Variants in GABRP observed in about 807,000 individuals in gnomAD.
GABRP encodes gamma-aminobutyric acid receptor subunit pi.
A neutral mutation model predicts 47.8 loss-of-function variants in GABRP; 52 were observed. That is an observed-to-expected ratio of 1.09 (90% CI 0.87 to 1.37). The LOEUF is 1.37. GABRP is among the 40% of genes most tolerant of loss of function. GABRP has a pLI of 0.00. For missense variants in GABRP, 525 were observed against 542.8 expected (o/e 0.97, Z 0.33); for synonymous variants, 221 against 205.8 (o/e 1.07, Z -0.63).
intron 3 of GABRP, among the ~76,000 whole-genome samples, chr5:170,792,843 C>T (rs779836375): frequency 1.7e-4 from 26 of 152,132 alleles, no homozygotes; most frequent in Non-Finnish European, 2.6e-4. Context: ...TTTTGAAATC[C>T]GCCTGGCCTC....
At position 170,789,159 on chromosome 5, in the gene GABRP, C is replaced by A. The variant is rs749901338; in HGVS notation, c.84C>A (p.Val28=). 6.2e-7 allele frequency: 1 copy of A among 1,614,092 alleles called. No homozygotes were observed. Among genetic ancestry groups the A allele is most frequent in the Non-Finnish European group, 8.5e-7 (1 of 1,179,960 alleles). ...GCATCCAGGGGAGTCAGTTCAACGT[C>A]GAGGTCGGCAGAAGTGACAAGCTTT... ...RMCIQGSQFN[V]EVGRSDKLSL... Residue 28 remains valine, a synonymous_variant, in exon 3 of 10, where the codon GTC becomes GTA. Transcript: ENST00000265294.
At chr5:170,784,078 C>T (rs1329108936) in intron 1 of GABRP, among the ~76,000 whole-genome samples, 1 of 152,192 alleles carries the variant, frequency 6.6e-6, no homozygotes, top group Non-Finnish European at 1.5e-5. Context: ...GTCATTCACC[C>T]CTGTGCAGCA....
At position 170,813,600 on chromosome 5, in the gene GABRP, A is replaced by T. The variant is rs1256821498; in HGVS notation, c.*1342A>T. The T allele has an allele frequency of 6.6e-6, 1 of 152,230 alleles. No individual in the cohort carries two copies. Among genetic ancestry groups the T allele is most frequent in the Non-Finnish European group, 1.5e-5 (1 of 68,050 alleles). The allele number at this position is 152,230 out of a possible 1,614,324, so 9.4% of individuals were successfully genotyped here. On this transcript the variant is annotated 3_prime_UTR_variant, in exon 10 of 10. Coordinates refer to ENST00000265294, the MANE Select transcript of GABRP (RefSeq NM_014211.3). ...CCAACAGTACCAAAAGTGATTTTTG[A>T]GTGTGCCAGGGTAAAGGCTTCCAGT...
intron 6 of GABRP, among the ~76,000 whole-genome samples, chr5:170,798,802 A>G (rs1300956267): frequency 2.0e-5 from 3 of 151,980 alleles, no homozygotes; most frequent in Non-Finnish European, 2.9e-5. Context: ...TTTTATATAT[A>G]TATTTTTATT....
At position 170,797,568 on chromosome 5, in the gene GABRP, G is replaced by C. The variant is rs775951248; in HGVS notation, c.541+20G>C. 39 of 1,486,880 alleles carry C rather than the reference G, an allele frequency of 2.6e-5. No individual in the cohort carries two copies. Among genetic ancestry groups the C allele is most frequent in the Non-Finnish European group, 3.6e-5 (38 of 1,064,716 alleles). 92.1% of individuals were successfully genotyped at this position (1,486,880 alleles called of 1,614,324 possible). On this transcript the variant is annotated intron_variant, in intron 6 of 9. Coordinates refer to ENST00000265294, the MANE Select transcript of GABRP (RefSeq NM_014211.3). ...AAAGCTGTAAGTATACATCCTACAG[G>C]CTCCTGAGATGATTTTCCTGGGTGA...
At chr5:170,798,609 GCCACCCAC>G (rs938405003) in intron 6 of GABRP, among the ~76,000 whole-genome samples, 11 of 151,834 alleles carry the variant, frequency 7.2e-5, no homozygotes, top group African/African-American at 2.7e-4. Flanking sequence ...CATGTTCTTT[GCCACCCAC>G]CCACCCTTAC....
At chr5:170,809,888 G>A (rs1765837620) in intron 9 of GABRP, 133 bp downstream of exon 9, 3 of 847,718 alleles carry the variant, frequency 3.5e-6, no homozygotes, top group Non-Finnish European at 5.8e-6. Flanking sequence ...TCTTATCCTT[G>A]TTCAGGTGGG....
chr5:170,792,230 G>A (rs1765292132), intron 3 of GABRP, among the ~76,000 whole-genome samples: 1 of 152,102 alleles, frequency 6.6e-6, no homozygotes, highest in South Asian at 2.1e-4. Flanking sequence ...ATCACCTGAG[G>A]TCAGGAGTTA....
rs7709641 is a variant in GABRP at position 170,785,774 on chromosome 5, C to A, written c.-43+1900C>A. Among the ~76,000 whole-genome samples the A allele has an allele frequency of 4.3e-3, 648 of 152,306 alleles. 11 individuals are homozygous for A. The highest frequency in any genetic ancestry group is 0.014 in the African/African-American group (600 of 41,558). Reference sequence around the variant, plus strand: ...AAATGAGGAATATGCCAAAGTGGAACCATGTTCCTTCAGGCCAGACCAGGA... The same window carrying A: ...AAATGAGGAATATGCCAAAGTGGAAACATGTTCCTTCAGGCCAGACCAGGA... On this transcript the variant is annotated intron_variant, in intron 1 of 9. Coordinates refer to ENST00000265294, the MANE Select transcript of GABRP (RefSeq NM_014211.3).
rs1436919213 is a variant in GABRP at position 170,795,426 on chromosome 5, G to C, written c.458+1G>C. The C allele has an allele frequency of 1.9e-6, 3 of 1,613,134 alleles. No homozygotes were observed. Among genetic ancestry groups the C allele is most frequent in the Non-Finnish European group, 1.7e-6 (2 of 1,179,254 alleles). On this transcript the variant is annotated splice_donor_variant, in intron 5 of 9. Coordinates refer to ENST00000265294, the MANE Select transcript of GABRP (RefSeq NM_014211.3). LOFTEE classifies it high-confidence loss of function. ...ATGGCACGGTCCTGTATGCCCTCAG[G>C]TACGCGGACACCTGTGACCTCAGGG...
chr5:170,798,236 T>A (rs6888969), intron 6 of GABRP, among the ~76,000 whole-genome samples: 79,886 of 151,902 alleles, frequency 0.53, 23,661 homozygotes, highest in African/African-American at 0.82. Flanking sequence ...AGAGACAGGG[T>A]TTCACCATGT....
intron 3 of GABRP, among the ~76,000 whole-genome samples, chr5:170,790,500 G>C (rs1047971967): frequency 2.0e-5 from 3 of 152,072 alleles, no homozygotes; most frequent in African/African-American, 7.2e-5. Flanking sequence ...AGATCCTCCG[G>C]GCAGCAGATG....
intron 6 of GABRP, among the ~76,000 whole-genome samples, chr5:170,805,096 T>C (rs1765695336): frequency 6.7e-6 from 1 of 149,462 alleles, no homozygotes; most frequent in Admixed American, 6.7e-5. Context: ...GAAATGTCCA[T>C]CTTAGAATTG....
At chr5:170,787,759 C>G (rs557524005) in intron 1 of GABRP, among the ~76,000 whole-genome samples, 1 of 152,320 alleles carries the variant, frequency 6.6e-6, no homozygotes, top group Admixed American at 6.5e-5. Flanking sequence ...ATGGAGTGAG[C>G]TCTGTGGGAC....
At chr5:170,804,986 A>G (rs1316023523) in intron 6 of GABRP, among the ~76,000 whole-genome samples, 5 of 139,618 alleles carry the variant, frequency 3.6e-5, no homozygotes, top group Non-Finnish European at 6.2e-5. Context: ...TATATATTAT[A>G]TTATATTATA....
Position 170,789,210 on chromosome 5 carries a change from A to G in GABRP, c.135A>G (p.Thr45=). ...KLSLPGFENL[T]AGYNKFLRPN... is the part of the protein sequence containing the mutation. Reference sequence around the variant, plus strand: ...CCCTGCCTGGCTTTGAGAACCTCACAGCAGGATATAACAAATTTCTCAGGC... The same window carrying G: ...CCCTGCCTGGCTTTGAGAACCTCACGGCAGGATATAACAAATTTCTCAGGC... Residue 45 remains threonine, a synonymous_variant, in exon 3 of 10, where the codon ACA becomes ACG. Transcript: ENST00000265294. 6.2e-7 allele frequency: 1 copy of G among 1,614,184 alleles called. No individual in the cohort carries two copies. The highest frequency in any genetic ancestry group is 1.1e-5 in the South Asian group (1 of 91,076).
rs776646552 is a variant in GABRP at position 170,795,396 on chromosome 5, C to G, written c.429C>G (p.Phe143Leu). ...TGGGAAACAGGCTCATCCGCCTCTT[C>G]TCCAATGGCACGGTCCTGTATGCCC... ...VTVGNRLIRL[F>L]SNGTVLYALR... The change falls in exon 5 of 10, where the codon TTC becomes TTG. Residue 143 changes from phenylalanine (F) to leucine (L), a missense_variant. Phe to Leu is a conservative substitution (Grantham distance 22). Transcript: ENST00000265294. The G allele has an allele frequency of 1.9e-5, 30 of 1,614,028 alleles. No homozygotes were observed. The highest frequency in any genetic ancestry group is 2.5e-5 in the Non-Finnish European group (29 of 1,180,022).
chr5:170,797,562 C>T lies in GABRP; in HGVS notation c.541+14C>T, dbSNP rs1218043340. ...AGCTGGAAAGCTGTAAGTATACATC[C>T]TACAGGCTCCTGAGATGATTTTCCT... is the stretch of plus-strand genomic sequence containing the variant. On this transcript the variant is annotated intron_variant, in intron 6 of 9. Coordinates refer to ENST00000265294, the MANE Select transcript of GABRP (RefSeq NM_014211.3). 1.3e-6 allele frequency: 2 copies of T among 1,522,872 alleles called. No homozygotes were observed. Among genetic ancestry groups the T allele is most frequent in the Non-Finnish European group, 1.8e-6 (2 of 1,097,466 alleles). The allele number at this position is 1,522,872 out of a possible 1,614,324, so 94.3% of individuals were successfully genotyped here.
At chr5:170,797,002 C>A (rs7702639) in intron 5 of GABRP, among the ~76,000 whole-genome samples, 4,454 of 152,260 alleles carry the variant, frequency 0.029, 197 homozygotes, top group African/African-American at 0.1. Context: ...GAGGCAGGGC[C>A]TCATGAGAAG....
Sources: allele counts gnomAD v4.1 joint callset (sites outside exome capture counted in the v4.1 genomes callset), GRCh38; gene constraint gnomAD v4.1.1; transcripts MANE v1.5; gene names NCBI Gene and HGNC (gene_info 2026-07-23, HGNC 2026-07-21).